TEAD1: variants seen among roughly 807,000 people sequenced by gnomAD.
TEAD1 encodes the protein TEA domain transcription factor 1.
Under a neutral mutation model 54.9 loss-of-function variants are expected in TEAD1, and 9 were observed. That is an observed-to-expected ratio of 0.16 (90% confidence interval 0.10 to 0.29). TEAD1 has a LOEUF of 0.29. Among genes scored for constraint, TEAD1 ranks in the 10% least tolerant of loss-of-function variants. The probability of loss-of-function intolerance (pLI) is 1.00; values close to 1 mark genes in which losing one functional copy is unlikely to be tolerated. For synonymous variants in TEAD1, 200 were observed against 187.8 expected, an observed-to-expected ratio of 1.07 and a Z score of -0.53; for missense variants, 387 against 535.9, an observed-to-expected ratio of 0.72 and a Z score of 2.74.
chr11:12,727,270 A>ATG (rs1204723051), intron 2 of TEAD1, among the ~76,000 whole-genome samples: 8 of 152,172 alleles, frequency 5.3e-5, no homozygotes, highest in African/African-American at 9.7e-5. Flanking sequence ...CTGTAAAATG[A>ATG]CAACTGTGGT....
At chr11:12,784,744 C>T (rs147825149) in intron 3 of TEAD1, among the ~76,000 whole-genome samples, 384 of 152,312 alleles carry the variant, frequency 2.5e-3, no homozygotes, top group African/African-American at 8.9e-3. Context: ...GCCCAGGATC[C>T]TAGTTCCTCC....
chr11:12,802,771 C>T (rs1353988789), intron 3 of TEAD1, among the ~76,000 whole-genome samples: 1 of 152,232 alleles, frequency 6.6e-6, no homozygotes, highest in Admixed American at 6.5e-5. Flanking sequence ...AAGCATTGCT[C>T]ACTCGGAGAT....
chr11:12,684,890 A>G (rs1427642935), intron 2 of TEAD1, among the ~76,000 whole-genome samples: 1 of 152,198 alleles, frequency 6.6e-6, no homozygotes, highest in Non-Finnish European at 1.5e-5. Flanking sequence ...GTGTATTTGC[A>G]TGTTTAAGAG....
chr11:12,709,114 G>C (rs1943879881), intron 2 of TEAD1, among the ~76,000 whole-genome samples: 1 of 152,154 alleles, frequency 6.6e-6, no homozygotes, highest in African/African-American at 2.4e-5. Flanking sequence ...AAGTGGGGTG[G>C]ATATCTTGAG....
chr11:12,764,673 A>G (rs1377298046), intron 3 of TEAD1, among the ~76,000 whole-genome samples: 1 of 152,026 alleles, frequency 6.6e-6, no homozygotes, highest in Non-Finnish European at 1.5e-5. Context: ...GTGGCATTAC[A>G]TCAGAAGCTC....
At position 12,852,974 on chromosome 11, in the gene TEAD1, A is replaced by G. The variant is rs183202339; in HGVS notation, c.203-9276A>G. ...AAGCCATCATTCCCCTCATATACTA[A>G]GTGACTTGTTTTTAATTCATAGTAC... On this transcript the variant is annotated intron_variant, in intron 3 of 12. Coordinates refer to ENST00000527636, the MANE Select transcript of TEAD1 (RefSeq NM_021961.6). Among the ~76,000 whole-genome samples, 95 of 152,294 alleles carry G rather than the reference A, an allele frequency of 6.2e-4. 1 individual carries two copies. The highest frequency in any genetic ancestry group is 2.1e-3 in the African/African-American group (87 of 41,564).
chr11:12,680,079 C>T (rs1943185582), intron 2 of TEAD1, among the ~76,000 whole-genome samples: 1 of 151,996 alleles, frequency 6.6e-6, no homozygotes, highest in African/African-American at 2.4e-5. Context: ...ATGTATTTGA[C>T]AGAAATCATT....
At chr11:12,690,539 CTG>C (rs1397503153) in intron 2 of TEAD1, among the ~76,000 whole-genome samples, 1 of 152,134 alleles carries the variant, frequency 6.6e-6, no homozygotes, top group African/African-American at 2.4e-5. Flanking sequence ...CTCTTATCCT[CTG>C]TATTTCCTAT....
In TEAD1 at chr11:12,683,420, A is replaced by AT. The variant is rs1203154309; in HGVS notation, c.-55+7865dup. Among the ~76,000 whole-genome samples the AT allele has an allele frequency of 3.9e-5, 6 of 152,018 alleles. No individual in the cohort carries two copies. The South Asian group carries it at 6.2e-4, about 16-fold the overall frequency. On this transcript the variant is annotated intron_variant, in intron 2 of 12. Transcript: ENST00000527636. ...GGAGTGGGGTTTTTTACACGTTTAT[A>AT]TTTTTTAGGAGCATGGATTTCCTTA...
At chr11:12,934,261 A>G (rs2093029560) in intron 12 of TEAD1, among the ~76,000 whole-genome samples, 1 of 152,180 alleles carries the variant, frequency 6.6e-6, no homozygotes, top group South Asian at 2.1e-4. Flanking sequence ...GCTGGAAACC[A>G]TCATTCTCAG....
intron 2 of TEAD1, among the ~76,000 whole-genome samples, chr11:12,713,515 C>T (rs1316594806): frequency 1.3e-5 from 2 of 152,188 alleles, no homozygotes; most frequent in Non-Finnish European, 2.9e-5. Context: ...AAAAGTAGGA[C>T]TTCTATTACA....
chr11:12,830,876 C>T lies in TEAD1; in HGVS notation c.203-31374C>T, dbSNP rs182792585. 1.1e-4 allele frequency among the ~76,000 whole-genome samples: 17 copies of T among 152,062 alleles called. No homozygotes were observed. The East Asian group carries it at 3.3e-3, about 29-fold the overall frequency. On this transcript the variant is annotated intron_variant, in intron 3 of 12. Transcript: ENST00000527636. ...AGCAAAAGGTGTAGGGAGAGGGAGA[C>T]ACCCATCTCTGCCCCCATCCGCTGA...
intron 2 of TEAD1, among the ~76,000 whole-genome samples, chr11:12,710,464 A>G (rs1943912568): frequency 1.3e-5 from 2 of 152,258 alleles, no homozygotes. Flanking sequence ...CAGTGAAGTC[A>G]GGAGTATAGT....
chr11:12,677,903 C>T (rs980629346), intron 2 of TEAD1, among the ~76,000 whole-genome samples: 1 of 152,134 alleles, frequency 6.6e-6, no homozygotes, highest in Non-Finnish European at 1.5e-5. Flanking sequence ...TAATTGTGAG[C>T]ATAATTATGC....
At chr11:12,930,418 G>T in intron 12 of TEAD1, 92 bp downstream of exon 12, 1 of 1,514,874 alleles carries the variant, frequency 6.6e-7, no homozygotes, top group East Asian at 2.3e-5. Context: ...CTGGGCCTGC[G>T]CCGAGGGAAC....
intron 7 of TEAD1, 131 bp downstream of exon 7, chr11:12,881,182 A>G: frequency 1.9e-6 from 2 of 1,028,240 alleles, no homozygotes; most frequent in Non-Finnish European, 3.0e-6. Flanking sequence ...CCCAGAAGGC[A>G]TCCCCTTTTT....
intron 3 of TEAD1, among the ~76,000 whole-genome samples, chr11:12,814,470 G>C (rs1297432139): frequency 6.6e-6 from 1 of 152,120 alleles, no homozygotes; most frequent in Non-Finnish European, 1.5e-5. Context: ...TGCCTGGAAG[G>C]GGACCTCTGT....
intron 2 of TEAD1, among the ~76,000 whole-genome samples, chr11:12,761,014 T>G (rs1945092464): frequency 6.6e-6 from 1 of 152,216 alleles, no homozygotes; most frequent in Admixed American, 6.5e-5. Flanking sequence ...CATTGCTAGA[T>G]AGGTAATTCC....
At chr11:12,884,812 A>G (rs955801760) in intron 9 of TEAD1, among the ~76,000 whole-genome samples, 1 of 152,192 alleles carries the variant, frequency 6.6e-6, no homozygotes, top group Non-Finnish European at 1.5e-5. Flanking sequence ...AGGAAGAGTG[A>G]TGGTGAGGGT....
Sources: gnomAD v4.1 joint callset for allele counts (sites outside exome capture counted in the v4.1 genomes callset) on GRCh38, gnomAD v4.1.1 for gene constraint, MANE v1.5 for transcripts, NCBI Gene and HGNC (gene_info 2026-07-23, HGNC 2026-07-21) for gene names.